The following NOP2 variants were observed in gnomAD, a reference collection of about 807,000 sequenced individuals.
NOP2 encodes the protein 28S rRNA (cytosine(4447)-C(5))-methyltransferase.
Under a neutral mutation model 72.7 loss-of-function variants are expected in NOP2, and 7 were observed. That is an observed-to-expected ratio of 0.10 (90% CI 0.05 to 0.18). The LOEUF is 0.18. Among genes scored for constraint, NOP2 ranks in the 10% least tolerant of loss-of-function variants. The pLI, the probability that NOP2 is intolerant of heterozygous loss-of-function variation, is 1.00. For synonymous variants in NOP2, 387 were observed against 388.0 expected, an observed-to-expected ratio of 1.00 and a Z score of 0.03; for missense variants, 954 against 1,014.7, an observed-to-expected ratio of 0.94 and a Z score of 0.81.
Position 6,556,933 on chromosome 12 carries a change from G to A in NOP2, c.*60C>T, listed in dbSNP as rs937922709. On this transcript the variant is annotated 3_prime_UTR_variant, in exon 16 of 16. Coordinates refer to ENST00000322166, the MANE Select transcript of NOP2 (RefSeq NM_001258308.2). ...GCACAGTAGAGAAGGCATCCTCACA[G>A]AGGCAAGAGTTCCAACCTGGTGACA... 6.3e-7 allele frequency: 1 copy of A among 1,587,198 alleles called. No homozygotes were observed. The highest frequency in any genetic ancestry group is 1.4e-5 in the African/African-American group (1 of 73,566).
At chr12:6,568,129 G>A in intron 1 of NOP2, 78 bp downstream of exon 1, 1 of 584,308 alleles carries the variant, frequency 1.7e-6, no homozygotes, top group South Asian at 2.0e-5. Context: ...CTGAAACCCA[G>A]GTAGCGCACC....
chr12:6,563,633 A>C lies in NOP2; in HGVS notation c.669T>G (p.Pro223=). 6.2e-7 allele frequency: 1 copy of C among 1,612,672 alleles called. No homozygotes were observed. Among genetic ancestry groups the C allele is most frequent in the Non-Finnish European group, 8.5e-7 (1 of 1,179,246 alleles). Residue 223 remains proline, a synonymous_variant, in exon 7 of 16, where the codon CCT becomes CCG. Transcript: ENST00000322166. ...NVDEEPFVLP[P]AGEMEQDAQA... is the part of the protein sequence containing the mutation. ...GGATATCCTGCTCCATCTCCCCAGCAGGGGGCAGCACAAATGGTTCCTCAT... is the reference window on the plus strand; with the variant it reads ...GGATATCCTGCTCCATCTCCCCAGCCGGGGGCAGCACAAATGGTTCCTCAT...
intron 11 of NOP2, among the ~76,000 whole-genome samples, 177 bp downstream of exon 11, chr12:6,561,487 T>A (rs1376314293): frequency 1.3e-5 from 2 of 152,216 alleles, no homozygotes; most frequent in African/African-American, 2.4e-5. Flanking sequence ...CATAGTCAGA[T>A]GGGTAGTAAG....
Position 6,561,919 on chromosome 12 carries a change from G to A in NOP2, c.1031C>T (p.Thr344Ile). 5.0e-6 allele frequency: 8 copies of A among 1,612,832 alleles called. No homozygotes were observed. The highest frequency in any genetic ancestry group is 6.8e-6 in the Non-Finnish European group (8 of 1,179,458). The change falls in exon 10 of 16, where the codon ACT becomes ATT. Residue 344 changes from threonine (T) to isoleucine (I), a missense_variant. Physicochemically the swap from Thr to Ile is moderately conservative, Grantham distance 89 (BLOSUM62 -1). Coordinates refer to ENST00000322166, the MANE Select transcript of NOP2 (RefSeq NM_001258308.2). ...NLDPLGKWSKTGLVVYDSSVP... is the reference protein window; with the variant it reads ...NLDPLGKWSKIGLVVYDSSVP... ...AGAAGAATCATACACCACTAGTCCA[G>A]TCTTTGACCACTTGCCCAGGGGATC...
rs1354539579 is a variant in NOP2, at chr12:6,563,706, C to T, written c.596G>A (p.Gly199Asp). 2.5e-6 allele frequency: 4 copies of T among 1,613,578 alleles called. No homozygotes were observed. Among genetic ancestry groups the T allele is most frequent in the South Asian group, 1.1e-5 (1 of 90,982 alleles). ...EEEKEVTPES[G>D]PPKVEEADGG... Reference sequence around the variant, plus strand: ...ATCTGCCTCTTCCACCTTTGGGGGGCCTGACTCAGGGGTCACTTCTTTCTC... The same window carrying T: ...ATCTGCCTCTTCCACCTTTGGGGGGTCTGACTCAGGGGTCACTTCTTTCTC... The change falls in exon 7 of 16, where the codon GGC (glycine) becomes GAC (aspartate). Residue 199 changes from glycine to aspartate, a missense_variant. Around this residue, in one of 3 missense-constraint regions of NOP2, gnomAD observed 498 missense variants for 478.3 expected, o/e 1.04. Coordinates refer to ENST00000322166, the MANE Select transcript of NOP2 (RefSeq NM_001258308.2).
In NOP2 at chr12:6,557,058, G is replaced by A. The variant is rs750291481; in HGVS notation, c.2374C>T (p.Arg792Cys). ...PPTVSPIRSS[R>C]PPPAKRKKSQ... is the part of the protein sequence containing the mutation. ...TTCTTCCTCTTTGCTGGTGGGGGGC[G>A]GCTGGAACGGATGGGAGACACAGTG... The change falls in exon 16 of 16, where the codon CGC becomes TGC. Residue 792 changes from arginine (R) to cysteine (C), a missense_variant. Arg to Cys is a radical substitution (Grantham distance 180, BLOSUM62 -3). This residue lies in a region of NOP2 where 269 missense variants were observed against 260.2 expected (regional missense o/e 1.03). Transcript: ENST00000322166. 19 of 1,613,850 alleles carry A rather than the reference G, an allele frequency of 1.2e-5. No individual in the cohort carries two copies. The highest frequency in any genetic ancestry group is 2.7e-5 in the African/African-American group (2 of 74,904).
intron 15 of NOP2, among the ~76,000 whole-genome samples, chr12:6,558,571 G>T (rs1947566444): frequency 6.6e-6 from 1 of 151,412 alleles, no homozygotes; most frequent in Non-Finnish European, 1.5e-5. Context: ...GGCCTCGCAG[G>T]GTCTTCTAAA....
Position 6,560,210 on chromosome 12 carries a change from G to A in NOP2, c.1677C>T (p.Phe559=). 6.2e-7 allele frequency: 1 copy of A among 1,613,976 alleles called. No individual in the cohort carries two copies. The highest frequency in any genetic ancestry group is 8.5e-7 in the Non-Finnish European group (1 of 1,179,888). Residue 559 remains phenylalanine (F), a synonymous_variant, in exon 15 of 16, where the codon TTC becomes TTT. Transcript: ENST00000322166. This position sits in a 1 kb window ranked among gnomAD's most constrained non-coding sequence, Gnocchi z 5.0. ...GTCGGGTAGAACGCAGACTGGGGTG[G>A]AAGCGCCTTTCTCGAAAGCGGGTAA... The part of the protein sequence containing the change: ...EGFTRFRERR[F]HPSLRSTRRF...
At position 6,567,847 on chromosome 12, in the gene NOP2, G is replaced by C. The variant is rs756813081; in HGVS notation, c.72C>G (p.Ala24=). 7.4e-6 allele frequency: 12 copies of C among 1,613,996 alleles called. No individual in the cohort carries two copies. The highest frequency in any genetic ancestry group is 3.3e-5 in the South Asian group (3 of 91,080). ...PGRKARKQKG[A]ETELVRFLPA... is the part of the protein sequence containing the mutation. ...GCAAGAATCTGACGAGTTCTGTCTC[G>C]GCACCCTTCTGCTTCCGGGCCTTTC... The change falls in exon 2 of 16, where the codon GCC becomes GCG. Residue 24 remains alanine (A), a synonymous_variant. Coordinates refer to ENST00000322166, the MANE Select transcript of NOP2 (RefSeq NM_001258308.2).
In NOP2 at chr12:6,557,601, G is replaced by A; in HGVS notation, c.1831C>T (p.Gln611Ter). The change falls in exon 16 of 16, where the codon CAG (glutamine) becomes TAG (stop). Residue 611 changes from glutamine to a stop codon, truncating the protein, a stop_gained. Coordinates refer to ENST00000322166, the MANE Select transcript of NOP2 (RefSeq NM_001258308.2). LOFTEE classifies it low-confidence loss of function (END_TRUNC). ...TATPTNVDLP[Q>*]VIPKSENSSQ... is the part of the protein sequence containing the mutation. The stretch of plus-strand genomic sequence containing the variant: ...CTGTTCTCAGACTTGGGGATGACCT[G>A]AGGCAAGTCTACATTTGTAGGTGTG... 1 of 1,613,558 alleles carries A rather than the reference G, an allele frequency of 6.2e-7. No individual in the cohort carries two copies.
intron 2 of NOP2, among the ~76,000 whole-genome samples, chr12:6,567,326 C>G (rs1413375553): frequency 6.6e-6 from 1 of 152,138 alleles, no homozygotes; most frequent in African/African-American, 2.4e-5. Flanking sequence ...TAAACTGCAT[C>G]CTTTATCCAA....
Position 6,560,685 on chromosome 12 carries a change from C to T in NOP2, c.1437+13G>A. ...GCCAAGGCCTCTCAGGGGCCCACCACCTGACTCCTCACCTTGTTAGTCTTC... is the reference window on the plus strand; with the variant it reads ...GCCAAGGCCTCTCAGGGGCCCACCATCTGACTCCTCACCTTGTTAGTCTTC... On this transcript the variant is annotated intron_variant, in intron 13 of 15. Transcript: ENST00000322166. The surrounding 1 kb of genome is among the most constrained non-coding windows in gnomAD (Gnocchi z 5.0). The T allele has an allele frequency of 6.2e-7, 1 of 1,613,444 alleles. No individual in the cohort carries two copies. The highest frequency in any genetic ancestry group is 1.3e-5 in the African/African-American group (1 of 75,014).
rs758340014 is a variant in NOP2, at chr12:6,557,248, C to T, written c.2184G>A (p.Pro728=). 3.8e-5 allele frequency: 62 copies of T among 1,613,840 alleles called. No homozygotes were observed. The highest frequency in any genetic ancestry group is 5.0e-5 in the Admixed American group (3 of 60,002). Reference sequence around the variant, plus strand: ...GAGTCTTGGATGGGGATAACACAGCCGGTGTTTGTGTGTCTGTGCCCTTGG... The same window carrying T: ...GAGTCTTGGATGGGGATAACACAGCTGGTGTTTGTGTGTCTGTGCCCTTGG... ...APPKGTDTQT[P]AVLSPSKTQA... The change falls in exon 16 of 16, where the codon CCG becomes CCA. Residue 728 remains proline (P), a synonymous_variant. Transcript: ENST00000322166.
Position 6,563,250 on chromosome 12 carries a change from C to G in NOP2, c.888+65G>C, listed in dbSNP as rs145515151. 4.5e-6 allele frequency: 7 copies of G among 1,547,452 alleles called. No homozygotes were observed. In the East Asian group the frequency reaches 1.4e-4, roughly 32 times the overall value. ...AGAGGGGAGCAAGGGGGCCGAACAT[C>G]TTCCTTACACAGCGTAAGGAGGCGA... On this transcript the variant is annotated intron_variant, in intron 8 of 15. Coordinates refer to ENST00000322166, the MANE Select transcript of NOP2 (RefSeq NM_001258308.2).
Position 6,560,687 on chromosome 12 carries a change from T to A in NOP2, c.1437+11A>T, listed in dbSNP as rs1947622442. On this transcript the variant is annotated intron_variant, in intron 13 of 15. Coordinates refer to ENST00000322166, the MANE Select transcript of NOP2 (RefSeq NM_001258308.2). The surrounding 1 kb of genome is among the most constrained non-coding windows in gnomAD (Gnocchi z 5.0). ...CAAGGCCTCTCAGGGGCCCACCACC[T>A]GACTCCTCACCTTGTTAGTCTTCAC... 1.2e-6 allele frequency: 2 copies of A among 1,613,322 alleles called. No homozygotes were observed. Among genetic ancestry groups the A allele is most frequent in the East Asian group, 2.2e-5 (1 of 44,850 alleles).
In NOP2 at chr12:6,563,471, C is replaced by T; in HGVS notation, c.732G>A (p.Gln244=). The T allele has an allele frequency of 6.2e-7, 1 of 1,612,216 alleles. No individual in the cohort carries two copies. The highest frequency in any genetic ancestry group is 8.5e-7 in the Non-Finnish European group (1 of 1,179,220). ...PDLQRVHKRI[Q]DIVGILRDFG... Reference sequence around the variant, plus strand: ...AATCACGCAGAATTCCCACAATATCCTGGATCCGCTTGTGAACTCGTTGCA... The same window carrying T: ...AATCACGCAGAATTCCCACAATATCTTGGATCCGCTTGTGAACTCGTTGCA... The change falls in exon 8 of 16, where the codon CAG becomes CAA. Residue 244 remains glutamine, a synonymous_variant. Transcript: ENST00000322166.
chr12:6,561,096 G>C, intron 11 of NOP2, 26 bp from the exon 12 acceptor site: 6 of 1,611,496 alleles, frequency 3.7e-6, no homozygotes, highest in Non-Finnish European at 5.1e-6. Context: ...TAACAGTGCT[G>C]ATCAGCCAGT....
In NOP2 at chr12:6,560,624, GTGT is replaced by G; in HGVS notation, c.1438-58_1438-56del. 6.2e-7 allele frequency: 1 copy of G among 1,608,586 alleles called. No homozygotes were observed. The highest frequency in any genetic ancestry group is 8.5e-7 in the Non-Finnish European group (1 of 1,176,096). ...TCAGGAGGAGAGGGGAGCCCAGAGG[GTGT>G]CCCCATCTCAGTTTCCAGCTCTACG... On this transcript the variant is annotated intron_variant, in intron 13 of 15. Coordinates refer to ENST00000322166, the MANE Select transcript of NOP2 (RefSeq NM_001258308.2). This position sits in a 1 kb window ranked among gnomAD's most constrained non-coding sequence, Gnocchi z 5.0.
intron 8 of NOP2, 54 bp from the exon 9 acceptor site, chr12:6,563,224 A>T (rs1420139227): frequency 1.1e-5 from 17 of 1,553,342 alleles, no homozygotes; most frequent in African/African-American, 1.4e-5. Context: ...GCTCAGTCAG[A>T]AGAGGGGAGC....
Sources: gnomAD v4.1 joint callset for allele counts (sites outside exome capture counted in the v4.1 genomes callset) on GRCh38, gnomAD v4.1.1 for gene constraint, gnomAD v4.1.1 regional missense constraint, Gnocchi (gnomAD v3.1) non-coding constraint, MANE v1.5 for transcripts, NCBI Gene and HGNC (gene_info 2026-07-23, HGNC 2026-07-21) for gene names.